The following KLHL6 variants were observed in gnomAD, a reference collection of about 807,000 sequenced individuals.
KLHL6 encodes kelch-like protein 6.
KLHL6 carries 41 observed loss-of-function variants against 58.6 expected under a neutral mutation model. That is an observed-to-expected ratio of 0.70 (90% confidence interval 0.55 to 0.91). The LOEUF (loss-of-function observed/expected upper bound fraction) is 0.91. KLHL6 is among the 40% of genes least tolerant of loss of function. The pLI, the probability that KLHL6 is intolerant of heterozygous loss-of-function variation, is 0.00. For synonymous variants in KLHL6, 338 were observed against 322.7 expected, an observed-to-expected ratio of 1.05 and a Z score of -0.51; for missense variants, 714 against 805.6, an observed-to-expected ratio of 0.89 and a Z score of 1.38.
intron 1 of KLHL6, among the ~76,000 whole-genome samples, chr3:183,550,532 C>A (rs1044569335): frequency 6.6e-6 from 1 of 152,148 alleles, no homozygotes; most frequent in African/African-American, 2.4e-5. Flanking sequence ...GGGTGGCTCA[C>A]AGCTGTAATC....
chr3:183,507,682 C>G (rs1261957200), intron 3 of KLHL6, among the ~76,000 whole-genome samples: 1 of 152,068 alleles, frequency 6.6e-6, no homozygotes, highest in East Asian at 1.9e-4. Context: ...ATCCACCCGC[C>G]CTGGGCCTCC....
At chr3:183,502,543 T>A (rs1277254254) in intron 3 of KLHL6, among the ~76,000 whole-genome samples, 1 of 152,148 alleles carries the variant, frequency 6.6e-6, no homozygotes, top group Non-Finnish European at 1.5e-5. Context: ...CCAGCTTGCA[T>A]CCTGATTGCT....
intron 2 of KLHL6, among the ~76,000 whole-genome samples, chr3:183,510,320 G>A (rs949816712): frequency 3.2e-4 from 49 of 151,812 alleles, no homozygotes; most frequent in Admixed American, 9.2e-4. Flanking sequence ...GGTGGGGGAG[G>A]CCTTCTGAAG....
At chr3:183,537,427 G>C (rs1033492733) in intron 1 of KLHL6, among the ~76,000 whole-genome samples, 21 of 152,214 alleles carry the variant, frequency 1.4e-4, no homozygotes, top group African/African-American at 5.1e-4. Context: ...GCAAGATATT[G>C]TGTAATAAAA....
At chr3:183,506,280 C>T (rs1054952607) in intron 3 of KLHL6, among the ~76,000 whole-genome samples, 2 of 152,126 alleles carry the variant, frequency 1.3e-5, no homozygotes, top group Non-Finnish European at 2.9e-5. Flanking sequence ...TAAGGAGAAC[C>T]AGGTAGATCC....
chr3:183,502,449 G>C (rs1352119503), intron 3 of KLHL6, among the ~76,000 whole-genome samples: 1 of 152,138 alleles, frequency 6.6e-6, no homozygotes, highest in Non-Finnish European at 1.5e-5. Flanking sequence ...CCTCCATGCT[G>C]TTCTAGAATT....
chr3:183,542,526 C>T (rs1712586520), intron 1 of KLHL6, among the ~76,000 whole-genome samples: 1 of 152,170 alleles, frequency 6.6e-6, no homozygotes, highest in South Asian at 2.1e-4. Context: ...CCTACTCATC[C>T]TTCAAAACTC....
chr3:183,499,662 C>T lies in KLHL6; in HGVS notation c.1075G>A (p.Glu359Lys). The T allele has an allele frequency of 6.2e-7, 1 of 1,611,572 alleles. No homozygotes were observed. Among genetic ancestry groups the T allele is most frequent in the Non-Finnish European group, 8.5e-7 (1 of 1,179,032 alleles). The change falls in exon 4 of 7, where the codon GAG (glutamate) becomes AAG (lysine). Residue 359 changes from glutamate (E) to lysine (K), a missense_variant. This residue lies in a region of KLHL6 where 510 missense variants were observed against 629.7 expected (regional missense o/e 0.81). Coordinates refer to ENST00000341319, the MANE Select transcript of KLHL6 (RefSeq NM_130446.4). The surrounding 1 kb of genome is among the most constrained non-coding windows in gnomAD (Gnocchi z 4.6). ...CACTTCTTATTCTCACTCTCCAGCT[C>T]ATGCTCTGTTAGCGGGAGCTTGGCC... is the stretch of plus-strand genomic sequence containing the variant. Reference protein sequence around the residue: ...EVAKLPLTEHELESENKKWVE... With the variant: ...EVAKLPLTEHKLESENKKWVE...
chr3:183,492,187 C>T lies in KLHL6; in HGVS notation c.1606G>A (p.Asp536Asn), dbSNP rs1717580669. Residue 536 changes from aspartate to asparagine, a missense_variant, in exon 7 of 7, where the codon GAC (aspartate) becomes AAC (asparagine). Asp to Asn is a conservative substitution (Grantham distance 23). Transcript: ENST00000341319. The surrounding 1 kb of genome is among the most constrained non-coding windows in gnomAD (Gnocchi z 5.9). ...AGCTGGGTCACCAGGCACCAGCTGT[C>T]TTCCAGCGGGCTGTAGGCGTACAGC... ...RALYAYSPLE[D>N]SWCLVTQLSH... 2 of 1,612,448 alleles carry T rather than the reference C, an allele frequency of 1.2e-6. No homozygotes were observed. The highest frequency in any genetic ancestry group is 8.5e-7 in the Non-Finnish European group (1 of 1,179,432).
At chr3:183,533,085 T>C (rs902094113) in intron 1 of KLHL6, among the ~76,000 whole-genome samples, 1 of 152,180 alleles carries the variant, frequency 6.6e-6, no homozygotes, top group African/African-American at 2.4e-5. Flanking sequence ...AGGGAGCCGT[T>C]ATCTCCCAGC....
rs1004158686 is a variant in KLHL6 at position 183,492,887 on chromosome 3, C to T, written c.1351-180G>A. ...AGCAAGAATGAAAGCATGCATTTCC[C>T]ACCCTCCCTCCAGGCTCCACGCAAG... On this transcript the variant is annotated intron_variant, in intron 5 of 6. Transcript: ENST00000341319. The surrounding 1 kb of genome is among the most constrained non-coding windows in gnomAD (Gnocchi z 5.9). 2.0e-5 allele frequency: 12 copies of T among 592,314 alleles called. No individual in the cohort carries two copies. Among genetic ancestry groups the T allele is most frequent in the Non-Finnish European group, 2.7e-5 (9 of 334,970 alleles). The allele number at this position is 592,314 out of a possible 1,614,324, so 36.7% of individuals were successfully genotyped here.
At chr3:183,526,119 C>G (rs1027654440) in intron 2 of KLHL6, among the ~76,000 whole-genome samples, 1 of 152,006 alleles carries the variant, frequency 6.6e-6, no homozygotes, top group African/African-American at 2.4e-5. Context: ...ACCAGCCTGG[C>G]CAACATGGGG....
At position 183,497,792 on chromosome 3, in the gene KLHL6, C is replaced by T. The variant is rs572722526; in HGVS notation, c.1147+1798G>A. 2.0e-5 allele frequency among the ~76,000 whole-genome samples: 3 copies of T among 152,340 alleles called. No individual in the cohort carries two copies. In the East Asian group the frequency reaches 5.8e-4, roughly 29 times the overall value. ...CCCTGCATACTATTGTGTTAATTCA[C>T]TGAGACTTAGGATTTGTAACAGCAG... is the stretch of plus-strand genomic sequence containing the variant. On this transcript the variant is annotated intron_variant, in intron 4 of 6. Transcript: ENST00000341319.
At chr3:183,535,806 C>T (rs979111793) in intron 1 of KLHL6, among the ~76,000 whole-genome samples, 7 of 152,260 alleles carry the variant, frequency 4.6e-5, no homozygotes, top group Middle Eastern at 3.4e-3. Flanking sequence ...AGACGAGTCT[C>T]GCTCTGTCGC....
At chr3:183,537,799 C>A (rs538396136) in intron 1 of KLHL6, among the ~76,000 whole-genome samples, 1 of 152,210 alleles carries the variant, frequency 6.6e-6, no homozygotes, top group Non-Finnish European at 1.5e-5. Context: ...AAAATCGCCA[C>A]TCCCTCACCT....
chr3:183,524,267 C>A (rs1311811599), intron 2 of KLHL6, among the ~76,000 whole-genome samples: 1 of 152,158 alleles, frequency 6.6e-6, no homozygotes, highest in Admixed American at 6.5e-5. Context: ...GAAAGGGAGA[C>A]CTTTGGCTTC....
At chr3:183,545,926 G>T (rs1712702883) in intron 1 of KLHL6, among the ~76,000 whole-genome samples, 1 of 152,218 alleles carries the variant, frequency 6.6e-6, no homozygotes, top group African/African-American at 2.4e-5. Flanking sequence ...TGGCCAGGAT[G>T]CTACTTAATC....
At chr3:183,512,048 A>G (rs1231001803) in intron 2 of KLHL6, among the ~76,000 whole-genome samples, 3 of 152,228 alleles carry the variant, frequency 2.0e-5, no homozygotes, top group African/African-American at 7.2e-5. Flanking sequence ...CAAGGCTGCT[A>G]ACACCTGTTT....
At chr3:183,544,682 G>A (rs1712658759) in intron 1 of KLHL6, 1 of 151,682 alleles carries the variant, frequency 6.6e-6, no homozygotes, top group Admixed American at 6.6e-5. Context: ...TGTGATTCAG[G>A]CGGGAGCTCT....
Sources: allele counts gnomAD v4.1 joint callset (sites outside exome capture counted in the v4.1 genomes callset), GRCh38; gene constraint gnomAD v4.1.1; regional missense constraint gnomAD v4.1.1; non-coding constraint Gnocchi (gnomAD v3.1); transcripts MANE v1.5; gene names NCBI Gene and HGNC (gene_info 2026-07-23, HGNC 2026-07-21).